The following PDLIM1 variants were observed in gnomAD, a reference collection of about 807,000 sequenced individuals.
PDLIM1 encodes the protein PDZ and LIM domain protein 1.
PDLIM1 carries 25 observed loss-of-function variants against 35.2 expected under a neutral mutation model. That is an observed-to-expected ratio of 0.71 (90% confidence interval 0.52 to 0.99). PDLIM1 has a LOEUF of 0.99. PDLIM1 is among the 50% of genes least tolerant of loss of function. The probability of loss-of-function intolerance (pLI) is 0.00; values close to 1 mark genes in which losing one functional copy is unlikely to be tolerated. For missense variants in PDLIM1, 363 were observed against 415.3 expected (o/e 0.87, Z 1.09); for synonymous variants, 152 against 154.0 (o/e 0.99, Z 0.10).
intron 4 of PDLIM1, among the ~76,000 whole-genome samples, chr10:95,259,374 G>A (rs1304182961): frequency 6.6e-6 from 1 of 152,170 alleles, no homozygotes; most frequent in Non-Finnish European, 1.5e-5. Context: ...AAAGGAGGTA[G>A]GCGGACCCAG....
At chr10:95,245,719 G>A (rs1176312042) in intron 5 of PDLIM1, among the ~76,000 whole-genome samples, 2 of 152,192 alleles carry the variant, frequency 1.3e-5, no homozygotes, top group Admixed American at 6.5e-5. Context: ...AGCAGTGGTA[G>A]AACAGTATCA....
intron 5 of PDLIM1, among the ~76,000 whole-genome samples, chr10:95,243,185 C>G (rs1186113682): frequency 6.6e-6 from 1 of 152,200 alleles, no homozygotes; most frequent in East Asian, 1.9e-4. Flanking sequence ...CAACAGAAGA[C>G]TCACTGTGGC....
chr10:95,238,904 A>G, intron 5 of PDLIM1: 1 of 469,128 alleles, frequency 2.1e-6, no homozygotes, highest in East Asian at 3.4e-5. Flanking sequence ...AAGCCCAAAA[A>G]GCCAAGACAA....
intron 5 of PDLIM1, among the ~76,000 whole-genome samples, chr10:95,242,942 G>T (rs2035190533): frequency 6.6e-6 from 1 of 151,684 alleles, no homozygotes; most frequent in Admixed American, 6.6e-5. Flanking sequence ...GCTCAATGAG[G>T]TCGGGCTCTC....
chr10:95,279,586 G>A (rs148981155), intron 1 of PDLIM1, among the ~76,000 whole-genome samples: 242 of 152,298 alleles, frequency 1.6e-3, no homozygotes, highest in African/African-American at 5.4e-3. Flanking sequence ...CACATCATTT[G>A]TTGATTCAAC....
chr10:95,253,681 T>C (rs1341496705), intron 4 of PDLIM1, among the ~76,000 whole-genome samples: 1 of 151,436 alleles, frequency 6.6e-6, no homozygotes, highest in Admixed American at 6.6e-5. Context: ...GAAGGAATCT[T>C]GGAATATCGA....
intron 5 of PDLIM1, among the ~76,000 whole-genome samples, chr10:95,241,350 G>C (rs140631070): frequency 4.1e-4 from 63 of 152,316 alleles, no homozygotes; most frequent in African/African-American, 1.3e-3. Context: ...TAGCCACTGT[G>C]CCTGGCAACA....
intron 2 of PDLIM1, among the ~76,000 whole-genome samples, chr10:95,270,010 T>C (rs970238970): frequency 1.3e-5 from 2 of 152,176 alleles, no homozygotes; most frequent in Non-Finnish European, 1.5e-5. Context: ...GTGCTGGGAT[T>C]ACAGACTAGA....
At chr10:95,261,572 A>C (rs890245357) in intron 4 of PDLIM1, among the ~76,000 whole-genome samples, 1 of 152,202 alleles carries the variant, frequency 6.6e-6, no homozygotes, top group African/African-American at 2.4e-5. Flanking sequence ...CCCTTGCAAG[A>C]ACCAGAATTT....
chr10:95,264,149 G>A, intron 3 of PDLIM1, 86 bp from the exon 4 acceptor site: 1 of 1,123,714 alleles, frequency 8.9e-7, no homozygotes, highest in Non-Finnish European at 1.3e-6. Flanking sequence ...GCCAGGGAGA[G>A]GTGTTCCAGC....
At chr10:95,284,410 G>A (rs1262348912) in intron 1 of PDLIM1, among the ~76,000 whole-genome samples, 1 of 151,984 alleles carries the variant, frequency 6.6e-6, no homozygotes, top group Non-Finnish European at 1.5e-5. Context: ...CTGGAGTGCA[G>A]TGGCGTGATT....
At chr10:95,282,013 AAAGACAAGCCT>A (rs1278869049) in intron 1 of PDLIM1, among the ~76,000 whole-genome samples, 1 of 152,248 alleles carries the variant, frequency 6.6e-6, no homozygotes, top group Admixed American at 6.5e-5. Flanking sequence ...TAACTAAGTG[AAAGACAAGCCT>A]AAGACAAGCC....
chr10:95,278,984 T>C (rs2035538341), intron 1 of PDLIM1, among the ~76,000 whole-genome samples: 1 of 152,236 alleles, frequency 6.6e-6, no homozygotes, highest in South Asian at 2.1e-4. Context: ...TTTAACTCTC[T>C]GGCTCAAGAT....
chr10:95,279,799 C>A (rs1486609042), intron 1 of PDLIM1, among the ~76,000 whole-genome samples: 1 of 152,156 alleles, frequency 6.6e-6, no homozygotes, highest in Admixed American at 6.5e-5. Context: ...TTATTTAATT[C>A]TCATAGGCAA....
intron 5 of PDLIM1, among the ~76,000 whole-genome samples, chr10:95,240,232 G>C (rs1475902912): frequency 6.6e-6 from 1 of 152,148 alleles, no homozygotes; most frequent in Non-Finnish European, 1.5e-5. Flanking sequence ...CAAAGACATG[G>C]AATCAACCTA....
chr10:95,250,438 C>G (rs1031056209), intron 4 of PDLIM1, among the ~76,000 whole-genome samples: 1 of 151,922 alleles, frequency 6.6e-6, no homozygotes, highest in Non-Finnish European at 1.5e-5. Flanking sequence ...CTCTCAATAT[C>G]TATTACCTTA....
At chr10:95,244,091 A>C (rs984088504) in intron 5 of PDLIM1, among the ~76,000 whole-genome samples, 7 of 152,334 alleles carry the variant, frequency 4.6e-5, no homozygotes, top group African/African-American at 1.7e-4. Flanking sequence ...AAAATTTGTT[A>C]AGATGGTAAA....
At chr10:95,240,356 C>T (rs2035168017) in intron 5 of PDLIM1, among the ~76,000 whole-genome samples, 1 of 152,222 alleles carries the variant, frequency 6.6e-6, no homozygotes, top group Admixed American at 6.5e-5. Context: ...ATGGATGGAA[C>T]TGGAAGCCAT....
intron 1 of PDLIM1, among the ~76,000 whole-genome samples, chr10:95,273,670 C>T (rs1389131258): frequency 6.6e-6 from 1 of 152,204 alleles, no homozygotes; most frequent in Non-Finnish European, 1.5e-5. Flanking sequence ...GAAACGAAAG[C>T]AGCCTCCTGA....
Sources: allele counts gnomAD v4.1 joint callset (sites outside exome capture counted in the v4.1 genomes callset), GRCh38; gene constraint gnomAD v4.1.1; transcripts MANE v1.5; gene names NCBI Gene and HGNC (gene_info 2026-07-23, HGNC 2026-07-21).